Variants in ZCCHC14 observed in about 807,000 individuals in gnomAD.
ZCCHC14 encodes zinc finger CCHC-type containing 14.
ZCCHC14 carries 16 observed loss-of-function variants against 85.0 expected under a neutral mutation model. That is an observed-to-expected ratio of 0.19 (90% CI 0.13 to 0.29). The LOEUF (loss-of-function observed/expected upper bound fraction) is 0.29, where lower values mean the gene tolerates loss of function less well. Among genes scored for constraint, ZCCHC14 ranks in the 10% least tolerant of loss-of-function variants. ZCCHC14 has a pLI of 1.00. For synonymous variants in ZCCHC14, 775 were observed against 630.7 expected (o/e 1.23, Z -3.43); for missense variants, 1,303 against 1,443.5 (o/e 0.90, Z 1.58).
chr16:87,412,419 G>A lies in ZCCHC14; in HGVS notation c.2302C>T (p.His768Tyr). ...AATGTPSTVLHAARPPIKLLL... is the reference protein window; with the variant it reads ...AATGTPSTVLYAARPPIKLLL... ...AGTTTGATGGGCGGACGGGCGGCGT[G>A]GAGGACTGTGCTGGGCGTCCCCGTG... Residue 768 changes from histidine to tyrosine, a missense_variant, in exon 12 of 13, where the codon CAC becomes TAC. His to Tyr is a moderately conservative substitution (Grantham distance 83). Transcript: ENST00000671377. 1 of 1,614,148 alleles carries A rather than the reference G, an allele frequency of 6.2e-7. No individual in the cohort carries two copies. The highest frequency in any genetic ancestry group is 8.5e-7 in the Non-Finnish European group (1 of 1,180,024).
At chr16:87,443,968 C>T (rs919969852) in intron 2 of ZCCHC14, among the ~76,000 whole-genome samples, 4 of 137,042 alleles carry the variant, frequency 2.9e-5, no homozygotes, top group South Asian at 2.4e-4. Context: ...ACCTGGGAGG[C>T]GGAGATTACA....
At chr16:87,432,693 C>T (rs1909722004) in intron 3 of ZCCHC14, among the ~76,000 whole-genome samples, 1 of 152,214 alleles carries the variant, frequency 6.6e-6, no homozygotes, top group South Asian at 2.1e-4. Flanking sequence ...TCTCCTGATT[C>T]TTTGTGGTAC....
At chr16:87,434,392 C>G (rs1390641259) in intron 2 of ZCCHC14, among the ~76,000 whole-genome samples, 1 of 152,138 alleles carries the variant, frequency 6.6e-6, no homozygotes, top group Admixed American at 6.5e-5. Flanking sequence ...CCAGGAGCCC[C>G]ACGCCGAGCT....
At chr16:87,466,054 C>T (rs1024819690) in intron 1 of ZCCHC14, among the ~76,000 whole-genome samples, 6 of 152,194 alleles carry the variant, frequency 3.9e-5, no homozygotes, top group Admixed American at 2.6e-4. Flanking sequence ...TGAGGAGCTA[C>T]GCCTGCAGAA....
intron 3 of ZCCHC14, among the ~76,000 whole-genome samples, chr16:87,429,789 T>C (rs914007857): frequency 2.0e-5 from 3 of 152,240 alleles, no homozygotes; most frequent in African/African-American, 7.2e-5. Context: ...CTATTTTTAC[T>C]AGAGAGAGGG....
intron 2 of ZCCHC14, among the ~76,000 whole-genome samples, chr16:87,438,783 C>G (rs1910051098): frequency 6.6e-6 from 1 of 152,024 alleles, no homozygotes; most frequent in Non-Finnish European, 1.5e-5. Flanking sequence ...CCGGGCCCAC[C>G]GTCGGCACTG....
intron 1 of ZCCHC14, chr16:87,467,021 T>C (rs1296638884): frequency 1.9e-5 from 8 of 426,492 alleles, no homozygotes; most frequent in Non-Finnish European, 3.4e-5. Context: ...GGAGGTCACG[T>C]GTTTTTCATG....
intron 1 of ZCCHC14, among the ~76,000 whole-genome samples, chr16:87,461,004 T>TGC (rs1411526989): frequency 1.3e-5 from 2 of 152,228 alleles, no homozygotes; most frequent in Non-Finnish European, 2.9e-5. Context: ...TGATGGGGTG[T>TGC]GCCCACTGCA....
chr16:87,417,904 T>C (rs767690437), intron 7 of ZCCHC14, 162 bp from the exon 8 acceptor site: 22 of 795,700 alleles, frequency 2.8e-5, no homozygotes, highest in Non-Finnish European at 3.4e-5. Flanking sequence ...GTGCTATGAC[T>C]GCCCTCCCTC....
chr16:87,482,392 T>C (rs376671844), intron 1 of ZCCHC14, among the ~76,000 whole-genome samples: 2 of 152,004 alleles, frequency 1.3e-5, no homozygotes, highest in African/African-American at 2.4e-5. Flanking sequence ...TGAAAACAAA[T>C]GTCCAGAGAA....
At chr16:87,417,849 G>T in intron 7 of ZCCHC14, 107 bp from the exon 8 acceptor site, 3 of 1,371,798 alleles carry the variant, frequency 2.2e-6, no homozygotes, top group South Asian at 1.5e-5. Context: ...TCTGCCTCTT[G>T]GCCGGCCCTG....
rs758287369 is a variant in ZCCHC14, at chr16:87,419,803, G to A, written c.1025C>T (p.Pro342Leu). The change falls in exon 6 of 13, where the codon CCA (proline) becomes CTA (leucine). Residue 342 changes from proline to leucine, a missense_variant. Coordinates refer to ENST00000671377, the MANE Select transcript of ZCCHC14 (RefSeq NM_015144.3). ...VRRFLSTSSPPQQLQSPSPGN... is the reference protein window; with the variant it reads ...VRRFLSTSSPLQQLQSPSPGN... ...CTCACTTGGACTCTGAAGCTGCTGT[G>A]GGGGAGAGGAAGTGCTGAGAAACCT... The A allele has an allele frequency of 9.9e-6, 16 of 1,610,526 alleles. No homozygotes were observed. Among genetic ancestry groups the A allele is most frequent in the African/African-American group, 1.3e-5 (1 of 74,606 alleles).
rs186701145 is a variant in ZCCHC14 at position 87,420,988 on chromosome 16, C to A, written c.841-272G>T. On this transcript the variant is annotated intron_variant, in intron 4 of 12. Transcript: ENST00000671377. This position sits in a 1 kb window ranked among gnomAD's most constrained non-coding sequence, Gnocchi z 5.0. ...TGAGCCCATCTGAGAGTTGCTGGGC[C>A]ACTAAGTCAACTTAATTTCAAACGG... Among the ~76,000 whole-genome samples, 1 of 152,356 alleles carries A rather than the reference C, an allele frequency of 6.6e-6. No homozygotes were observed. The highest frequency in any genetic ancestry group is 1.9e-4 in the East Asian group (1 of 5,188).
At chr16:87,485,121 T>C (rs1342219050) in intron 1 of ZCCHC14, among the ~76,000 whole-genome samples, 2 of 152,176 alleles carry the variant, frequency 1.3e-5, no homozygotes, top group African/African-American at 2.4e-5. Flanking sequence ...GGGTCCACAG[T>C]GCCCCTCTCT....
chr16:87,435,620 C>T (rs759773749), intron 2 of ZCCHC14, among the ~76,000 whole-genome samples: 1 of 152,266 alleles, frequency 6.6e-6, no homozygotes, highest in Non-Finnish European at 1.5e-5. Context: ...CGGCCACGTC[C>T]CAGGTCACCC....
At chr16:87,433,886 C>T (rs536618789) in intron 2 of ZCCHC14, among the ~76,000 whole-genome samples, 5 of 152,202 alleles carry the variant, frequency 3.3e-5, no homozygotes, top group South Asian at 2.1e-4. Flanking sequence ...TCAGGTGATC[C>T]GCCCGCCTCA....
chr16:87,469,386 G>C (rs760837887), intron 1 of ZCCHC14, among the ~76,000 whole-genome samples: 3 of 152,220 alleles, frequency 2.0e-5, no homozygotes, highest in South Asian at 2.1e-4. Context: ...GGCCAGTAGG[G>C]AGCAGAATCA....
At chr16:87,475,552 TAAAAAAAAAA>T (rs35771945) in intron 1 of ZCCHC14, among the ~76,000 whole-genome samples, 98 of 91,476 alleles carry the variant, frequency 1.1e-3, no homozygotes, top group African/African-American at 4.1e-3. Context: ...GACTCTGTCT[TAAAAAAAAAA>T]AAAAAAAAAA....
chr16:87,433,161 T>G lies in ZCCHC14; in HGVS notation c.735A>C (p.Thr245=), dbSNP rs751673714. Residue 245 remains threonine (T), a synonymous_variant, in exon 3 of 13, where the codon ACA becomes ACC. Transcript: ENST00000671377. The part of the protein sequence containing the change: ...EKIDLKGLSH[T]KNDRNVECSF... ...AACATTCAACATTTCTGTCATTTTTTGTGTGTGATAATCCCTTCAGGTCTA... is the reference window on the plus strand; with the variant it reads ...AACATTCAACATTTCTGTCATTTTTGGTGTGTGATAATCCCTTCAGGTCTA... 1.2e-6 allele frequency: 2 copies of G among 1,614,238 alleles called. No individual in the cohort carries two copies. Among genetic ancestry groups the G allele is most frequent in the Non-Finnish European group, 1.7e-6 (2 of 1,180,042 alleles).
Sources: allele counts gnomAD v4.1 joint callset (sites outside exome capture counted in the v4.1 genomes callset), GRCh38; gene constraint gnomAD v4.1.1; non-coding constraint Gnocchi (gnomAD v3.1); transcripts MANE v1.5; gene names NCBI Gene and HGNC (gene_info 2026-07-23, HGNC 2026-07-21).